Variants in UNC5C observed in about 807,000 individuals in gnomAD.
UNC5C encodes the protein unc-5 netrin receptor C, also known as netrin receptor UNC5C.
Under a neutral mutation model 99.8 loss-of-function variants are expected in UNC5C, and 47 were observed. That is an observed-to-expected ratio of 0.47 (90% CI 0.37 to 0.60). UNC5C has a LOEUF of 0.60. Among genes scored for constraint, UNC5C ranks in the 20% least tolerant of loss-of-function variants. The pLI is 0.00. For synonymous variants in UNC5C, 487 were observed against 452.2 expected (o/e 1.08, Z -0.98); for missense variants, 1,062 against 1,165.9 (o/e 0.91, Z 1.30).
chr4:95,386,367 C>T lies in UNC5C; in HGVS notation c.125-50736G>A, dbSNP rs1194395157. ...ATATCTCCCAATGCTATCCCTCCCC[C>T]ATCCCCCTACCCCACAACAACTTTT... On this transcript the variant is annotated intron_variant, in intron 1 of 15. Transcript: ENST00000453304. 2.6e-5 allele frequency among the ~76,000 whole-genome samples: 4 copies of T among 152,154 alleles called. No individual in the cohort carries two copies. The South Asian group carries it at 8.3e-4, about 31-fold the overall frequency.
intron 3 of UNC5C, among the ~76,000 whole-genome samples, chr4:95,288,340 C>T (rs1741317815): frequency 1.3e-5 from 2 of 152,100 alleles, no homozygotes; most frequent in African/African-American, 4.8e-5. Flanking sequence ...GCCTCAGCCT[C>T]CCAAACTGCT....
intron 1 of UNC5C, among the ~76,000 whole-genome samples, chr4:95,463,697 A>C (rs550743986): frequency 4.6e-5 from 7 of 152,328 alleles, no homozygotes; most frequent in African/African-American, 1.7e-4. Flanking sequence ...GAACACTGCA[A>C]ATCTCAGCAT....
intron 1 of UNC5C, among the ~76,000 whole-genome samples, chr4:95,384,712 C>T (rs866664053): frequency 3.3e-5 from 5 of 151,850 alleles, no homozygotes; most frequent in African/African-American, 9.7e-5. Context: ...GTAGGATATG[C>T]GGAAGAGGGA....
intron 1 of UNC5C, among the ~76,000 whole-genome samples, chr4:95,443,461 C>T (rs1747008710): frequency 6.6e-6 from 1 of 152,106 alleles, no homozygotes; most frequent in African/African-American, 2.4e-5. Context: ...CTTCAAATGA[C>T]TGAGGGTCTC....
At chr4:95,398,524 T>A (rs900756528) in intron 1 of UNC5C, among the ~76,000 whole-genome samples, 1 of 152,164 alleles carries the variant, frequency 6.6e-6, no homozygotes, top group Non-Finnish European at 1.5e-5. Flanking sequence ...TAATTCTCCA[T>A]GTAGTGTTTG....
At chr4:95,385,048 T>G (rs112274222) in intron 1 of UNC5C, among the ~76,000 whole-genome samples, 12 of 151,996 alleles carry the variant, frequency 7.9e-5, no homozygotes, top group African/African-American at 9.7e-5. Flanking sequence ...TGGAGCTGAT[T>G]TGGAAGTGGG....
chr4:95,176,738 G>C (rs1736367889), intron 14 of UNC5C, among the ~76,000 whole-genome samples: 1 of 152,232 alleles, frequency 6.6e-6, no homozygotes, highest in South Asian at 2.1e-4. Flanking sequence ...TGCAGAGGCA[G>C]GCAGGCCTCC....
intron 2 of UNC5C, among the ~76,000 whole-genome samples, chr4:95,306,493 C>T (rs770931224): frequency 6.6e-5 from 10 of 152,070 alleles, no homozygotes; most frequent in Admixed American, 5.2e-4. Context: ...TGAGCCACCA[C>T]GCCTGCCTCT....
intron 1 of UNC5C, among the ~76,000 whole-genome samples, chr4:95,369,500 C>T (rs887374976): frequency 2.6e-5 from 4 of 151,846 alleles, no homozygotes; most frequent in Admixed American, 6.6e-5. Flanking sequence ...TGCAGTGAGC[C>T]GAGATTGCTT....
intron 1 of UNC5C, among the ~76,000 whole-genome samples, chr4:95,432,945 C>T (rs1746672760): frequency 6.6e-6 from 1 of 152,156 alleles, no homozygotes; most frequent in African/African-American, 2.4e-5. Flanking sequence ...ACTGAATACA[C>T]TGAGACTCTT....
At chr4:95,267,760 C>A (rs180700034) in intron 4 of UNC5C, among the ~76,000 whole-genome samples, 6 of 151,944 alleles carry the variant, frequency 3.9e-5, no homozygotes, top group Admixed American at 6.6e-5. Context: ...TAAAGCCTTG[C>A]CAAGTATGGG....
chr4:95,235,363 A>G (rs1053024569), intron 7 of UNC5C, among the ~76,000 whole-genome samples: 2 of 152,122 alleles, frequency 1.3e-5, no homozygotes, highest in Non-Finnish European at 2.9e-5. Context: ...GTTTGAGTTC[A>G]TTGTAGATTC....
intron 1 of UNC5C, among the ~76,000 whole-genome samples, chr4:95,492,348 C>T (rs567996455): frequency 1.6e-4 from 24 of 151,244 alleles, no homozygotes; most frequent in African/African-American, 5.6e-4. Context: ...ATGTGCTTAG[C>T]GTTTTGTCGT....
intron 12 of UNC5C, among the ~76,000 whole-genome samples, chr4:95,190,229 CTA>C (rs1737016872): frequency 6.6e-6 from 1 of 151,914 alleles, no homozygotes; most frequent in Non-Finnish European, 1.5e-5. Context: ...TCTCAGTAAA[CTA>C]TCACAAGAAC....
chr4:95,481,684 G>A (rs1006993380), intron 1 of UNC5C, among the ~76,000 whole-genome samples: 74 of 152,094 alleles, frequency 4.9e-4, no homozygotes, highest in Non-Finnish European at 4.3e-4. Context: ...GAACAGAACA[G>A]AGCCCTCAGA....
chr4:95,416,856 C>T (rs1256255115), intron 1 of UNC5C, among the ~76,000 whole-genome samples: 5 of 152,132 alleles, frequency 3.3e-5, no homozygotes, highest in African/African-American at 4.8e-5. Context: ...GAGTGCCCAT[C>T]CTGTCACCAG....
At chr4:95,465,573 CT>C (rs896752266) in intron 1 of UNC5C, among the ~76,000 whole-genome samples, 5 of 152,054 alleles carry the variant, frequency 3.3e-5, no homozygotes, top group Non-Finnish European at 7.4e-5. Flanking sequence ...GCCATCCTTT[CT>C]GAACAGATTT....
intron 3 of UNC5C, among the ~76,000 whole-genome samples, chr4:95,292,971 T>C (rs888182767): frequency 3.3e-5 from 5 of 152,072 alleles, no homozygotes; most frequent in Non-Finnish European, 5.9e-5. Context: ...AAACAAATAA[T>C]GATGAAGAAA....
At chr4:95,424,941 G>A (rs1171921799) in intron 1 of UNC5C, among the ~76,000 whole-genome samples, 1 of 152,138 alleles carries the variant, frequency 6.6e-6, no homozygotes, top group Non-Finnish European at 1.5e-5. Context: ...TCTACCGGAA[G>A]GGAAAGGACC....
Sources: allele counts gnomAD v4.1 joint callset (sites outside exome capture counted in the v4.1 genomes callset), GRCh38; gene constraint gnomAD v4.1.1; transcripts MANE v1.5; gene names NCBI Gene and HGNC (gene_info 2026-07-23, HGNC 2026-07-21).